Variants in KCNIP4 observed in about 807,000 individuals in gnomAD.
KCNIP4 encodes Kv channel-interacting protein 4.
Under a neutral mutation model 34.0 loss-of-function variants are expected in KCNIP4, and 12 were observed. That is an observed-to-expected ratio of 0.35 (90% CI 0.23 to 0.57). The LOEUF (loss-of-function observed/expected upper bound fraction) is 0.57, where lower values mean the gene tolerates loss of function less well. Among genes scored for constraint, KCNIP4 ranks in the 20% least tolerant of loss-of-function variants. The pLI is 0.83. For synonymous variants in KCNIP4, 124 were observed against 102.2 expected (o/e 1.21, Z -1.29); for missense variants, 238 against 311.7 (o/e 0.76, Z 1.78).
chr4:21,557,058 T>C (rs1233096496), intron 1 of KCNIP4, among the ~76,000 whole-genome samples: 1 of 152,032 alleles, frequency 6.6e-6, no homozygotes, highest in Non-Finnish European at 1.5e-5. Flanking sequence ...ATCACTACCA[T>C]GTTTAATATA....
chr4:21,400,424 T>C lies in KCNIP4; in HGVS notation c.62-517715A>G, dbSNP rs527631094. Among the ~76,000 whole-genome samples, 93 of 149,624 alleles carry C rather than the reference T, an allele frequency of 6.2e-4. 1 individual carries two copies. The highest frequency in any genetic ancestry group is 1.0e-3 in the Non-Finnish European group (70 of 67,908). On this transcript the variant is annotated intron_variant, in intron 1 of 8. Transcript: ENST00000382152. ...TGTGGGGTGGGTGGGAGTGGTCATT[T>C]CAAACACACGTCCTCTTGCCATTTC...
At chr4:21,425,657 T>A (rs1474617526) in intron 1 of KCNIP4, among the ~76,000 whole-genome samples, 3 of 152,130 alleles carry the variant, frequency 2.0e-5, no homozygotes, top group African/African-American at 7.2e-5. Context: ...CTATAATTCT[T>A]TCAGAAGTTA....
At chr4:21,837,551 AAAGAAAAAG>A (rs1723423474) in intron 1 of KCNIP4, among the ~76,000 whole-genome samples, 1 of 150,170 alleles carries the variant, frequency 6.7e-6, no homozygotes, top group South Asian at 2.1e-4. Context: ...AAAAAAAGAA[AAAGAAAAAG>A]AAAGAAAGAA....
chr4:21,114,001 A>T (rs1488623015), intron 1 of KCNIP4, among the ~76,000 whole-genome samples: 1 of 152,194 alleles, frequency 6.6e-6, no homozygotes, highest in Non-Finnish European at 1.5e-5. Flanking sequence ...CATATGAATC[A>T]TGCTTAAAAT....
chr4:21,628,647 A>T (rs987430948), intron 1 of KCNIP4, among the ~76,000 whole-genome samples: 1 of 152,146 alleles, frequency 6.6e-6, no homozygotes, highest in East Asian at 1.9e-4. Flanking sequence ...TGCTAACCAC[A>T]GTTATATTTA....
At chr4:21,930,145 C>T (rs1358141867) in intron 1 of KCNIP4, among the ~76,000 whole-genome samples, 1 of 152,108 alleles carries the variant, frequency 6.6e-6, no homozygotes, top group African/African-American at 2.4e-5. Context: ...AGTATCCCAA[C>T]CTCAATATGT....
chr4:21,063,157 C>G (rs1744072887), intron 1 of KCNIP4, among the ~76,000 whole-genome samples: 1 of 152,094 alleles, frequency 6.6e-6, no homozygotes. Flanking sequence ...AGCTCCCTTA[C>G]AGCCCTCAGA....
Position 21,325,229 on chromosome 4 carries a change from G to A in KCNIP4, c.62-442520C>T, listed in dbSNP as rs564766947. ...TAGAGTTCAGCAGCGAAGCCAGTGG[G>A]TCCTGGGTTTTTTTCTTGGATATTT... On this transcript the variant is annotated intron_variant, in intron 1 of 8. Coordinates refer to ENST00000382152, the MANE Select transcript of KCNIP4 (RefSeq NM_025221.6). Among the ~76,000 whole-genome samples the A allele has an allele frequency of 2.4e-3, 364 of 151,826 alleles. 5 individuals carry two copies. Among genetic ancestry groups the A allele is most frequent in the African/African-American group, 8.2e-3 (340 of 41,500 alleles).
intron 1 of KCNIP4, among the ~76,000 whole-genome samples, chr4:21,776,834 C>G (rs1560706538): frequency 6.6e-6 from 1 of 152,100 alleles, no homozygotes; most frequent in African/African-American, 2.4e-5. Context: ...ACAATCTCGG[C>G]TCCTTTCAAC....
At chr4:21,325,123 T>G (rs1714903727) in intron 1 of KCNIP4, among the ~76,000 whole-genome samples, 1 of 151,974 alleles carries the variant, frequency 6.6e-6, no homozygotes, top group Non-Finnish European at 1.5e-5. Context: ...TCACATAATA[T>G]GAGTTTGGAA....
At chr4:21,820,055 T>C (rs1203374385) in intron 1 of KCNIP4, among the ~76,000 whole-genome samples, 1 of 151,724 alleles carries the variant, frequency 6.6e-6, no homozygotes, top group Non-Finnish European at 1.5e-5. Flanking sequence ...AAATAATGAA[T>C]TGTTTCACTC....
intron 1 of KCNIP4, among the ~76,000 whole-genome samples, chr4:21,349,436 C>T (rs1042616716): frequency 2.6e-5 from 4 of 152,150 alleles, no homozygotes; most frequent in Admixed American, 2.6e-4. Flanking sequence ...TAGGCAGGGA[C>T]ATGACAAGGG....
intron 3 of KCNIP4, among the ~76,000 whole-genome samples, chr4:20,808,713 T>C (rs999669077): frequency 6.6e-6 from 1 of 152,074 alleles, no homozygotes. Flanking sequence ...ATACGCTGGA[T>C]GGATTGAGGA....
chr4:21,673,933 A>C (rs942290871), intron 1 of KCNIP4, among the ~76,000 whole-genome samples: 1 of 152,226 alleles, frequency 6.6e-6, no homozygotes, highest in African/African-American at 2.4e-5. Context: ...ACATGTTTCT[A>C]TATGTGATTT....
At chr4:21,567,994 C>T (rs1740048658) in intron 1 of KCNIP4, among the ~76,000 whole-genome samples, 1 of 152,114 alleles carries the variant, frequency 6.6e-6, no homozygotes, top group Non-Finnish European at 1.5e-5. Flanking sequence ...GTCAGCGCTG[C>T]TATGTAGTTT....
chr4:21,501,248 T>TCACACACACACACACACACACA (rs34406802), intron 1 of KCNIP4, among the ~76,000 whole-genome samples: 6 of 104,290 alleles, frequency 5.8e-5, no homozygotes, highest in South Asian at 7.9e-4. Flanking sequence ...TCTCTCTCTC[T>TCACACACACACACACACACACA]CACACACACA....
At chr4:21,338,934 G>C (rs921510649) in intron 1 of KCNIP4, among the ~76,000 whole-genome samples, 1 of 152,112 alleles carries the variant, frequency 6.6e-6, no homozygotes, top group African/African-American at 2.4e-5. Context: ...ATAGAATTCA[G>C]AGTAGAGTTA....
chr4:21,068,769 ATTTG>A (rs1436499504), intron 1 of KCNIP4, among the ~76,000 whole-genome samples: 2 of 152,160 alleles, frequency 1.3e-5, no homozygotes. Context: ...ATTCTTATTT[ATTTG>A]TTTATTGTCT....
intron 1 of KCNIP4, among the ~76,000 whole-genome samples, chr4:21,342,419 T>C (rs1374853538): frequency 6.6e-6 from 1 of 152,086 alleles, no homozygotes; most frequent in Non-Finnish European, 1.5e-5. Flanking sequence ...CCTTTAATCT[T>C]CAAAAAACTC....
Sources: allele counts gnomAD v4.1 joint callset (sites outside exome capture counted in the v4.1 genomes callset), GRCh38; gene constraint gnomAD v4.1.1; transcripts MANE v1.5; gene names NCBI Gene and HGNC (gene_info 2026-07-23, HGNC 2026-07-21).